Variants in PXN observed in about 807,000 individuals in gnomAD.
PXN encodes testicular tissue protein Li 134.
In PXN, 61 loss-of-function variants were observed where a neutral mutation model predicts 103.6. The observed-to-expected ratio is 0.59, with a 90% CI of 0.48 to 0.73. The LOEUF (loss-of-function observed/expected upper bound fraction) is 0.73, where lower values mean the gene tolerates loss of function less well. PXN is among the 30% of genes least tolerant of loss of function. The pLI is 0.00. For synonymous variants in PXN, 562 were observed against 607.8 expected, an observed-to-expected ratio of 0.92 and a Z score of 1.11; for missense variants, 1,274 against 1,460.3, an observed-to-expected ratio of 0.87 and a Z score of 2.08.
intron 1 of PXN, among the ~76,000 whole-genome samples, chr12:120,242,466 C>T (rs527942446): frequency 1.3e-3 from 202 of 152,232 alleles, no homozygotes; most frequent in Non-Finnish European, 2.0e-3. Context: ...CATGAGCATG[C>T]GGCTCACCAC....
chr12:120,234,359 A>G (rs1888628274), intron 1 of PXN, among the ~76,000 whole-genome samples: 1 of 152,160 alleles, frequency 6.6e-6, no homozygotes, highest in Non-Finnish European at 1.5e-5. Context: ...CAGTGAACAG[A>G]GATTGCGCCA....
At chr12:120,245,267 G>A (rs918096043) in intron 1 of PXN, among the ~76,000 whole-genome samples, 9 of 152,030 alleles carry the variant, frequency 5.9e-5, no homozygotes, top group Non-Finnish European at 1.3e-4. Context: ...GTGGGGCTGT[G>A]TAGCCCAGAG....
At chr12:120,249,384 T>C (rs1053070170) in intron 1 of PXN, among the ~76,000 whole-genome samples, 1 of 151,836 alleles carries the variant, frequency 6.6e-6, no homozygotes. Flanking sequence ...TGCAGACTGA[T>C]AATACCCAAC....
chr12:120,235,742 G>T (rs1888909988), intron 1 of PXN, among the ~76,000 whole-genome samples: 1 of 152,210 alleles, frequency 6.6e-6, no homozygotes, highest in African/African-American at 2.4e-5. Flanking sequence ...GGTACAGAGA[G>T]CTCAAGAATT....
intron 1 of PXN, among the ~76,000 whole-genome samples, chr12:120,258,085 G>C (rs1476962287): frequency 6.6e-6 from 1 of 151,778 alleles, no homozygotes; most frequent in Non-Finnish European, 1.5e-5. Context: ...CCTAGCTACT[G>C]CGGAGGCTGA....
chr12:120,230,637 G>A (rs1887828497), intron 1 of PXN, among the ~76,000 whole-genome samples: 2 of 144,156 alleles, frequency 1.4e-5, no homozygotes, highest in African/African-American at 2.6e-5. Flanking sequence ...CCCTCCCCCT[G>A]GCTCCAAGTT....
intron 3 of PXN, 115 bp from the exon 4 acceptor site, chr12:120,223,114 G>C: frequency 6.5e-7 from 1 of 1,533,636 alleles, no homozygotes; most frequent in Non-Finnish European, 8.9e-7. Context: ...GTCTTCCCCC[G>C]CAAGAGGACA....
At position 120,219,600 on chromosome 12, in the gene PXN, C is replaced by G; in HGVS notation, c.1323G>C (p.Ser441=). 1.3e-6 allele frequency: 2 copies of G among 1,565,166 alleles called. No individual in the cohort carries two copies. Residue 441 remains serine (S), a synonymous_variant, in exon 7 of 15, where the codon TCG becomes TCC. Coordinates refer to ENST00000637617, the MANE Select transcript of PXN (RefSeq NM_001385981.1). The surrounding 1 kb of genome is among the most constrained non-coding windows in gnomAD (Gnocchi z 6.5). ...GCATTCTCTCAGGCCCGAATACCTC[C>G]GAAGCCCATGGCTGCTCCCATGTGG... is the stretch of plus-strand genomic sequence containing the variant. ...LAATWEQPWA[S]EVFGPERMPP...
chr12:120,259,270 T>C (rs1178581933), intron 1 of PXN, among the ~76,000 whole-genome samples: 2 of 151,814 alleles, frequency 1.3e-5, no homozygotes, highest in Non-Finnish European at 2.9e-5. Context: ...CATGCACCCA[T>C]AGTCCCAGCT....
Position 120,215,291 on chromosome 12 carries a change from G to A in PXN, c.2404-18C>T. 6.4e-7 allele frequency: 1 copy of A among 1,573,910 alleles called. No individual in the cohort carries two copies. The highest frequency in any genetic ancestry group is 8.6e-7 in the Non-Finnish European group (1 of 1,162,560). On this transcript the variant is annotated intron_variant, in intron 10 of 14. Transcript: ENST00000637617. The surrounding 1 kb of genome is among the most constrained non-coding windows in gnomAD (Gnocchi z 4.9). ...GCCATGAACTGTGGACACGGAGGGG[G>A]CTGGTCAGGACTCCTGAGGCTCGGG...
Position 120,226,616 on chromosome 12 carries a change from G to C in PXN, c.14-2239C>G, listed in dbSNP as rs900535387. On this transcript the variant is annotated intron_variant, in intron 1 of 14. Coordinates refer to ENST00000637617, the MANE Select transcript of PXN (RefSeq NM_001385981.1). The stretch of plus-strand genomic sequence containing the variant: ...GCTTTTGGTTTATGGATTGGATTCA[G>C]GTTTACAATGTCAACAGGCTCTTGG... 77 of 1,187,566 alleles carry C rather than the reference G, an allele frequency of 6.5e-5. No homozygotes were observed. In the Middle Eastern group the frequency reaches 1.3e-3, roughly 20 times the overall value. The allele number at this position is 1,187,566 out of a possible 1,614,324, so 73.6% of individuals were successfully genotyped here. A position where few individuals can be genotyped will look rare whatever the true frequency, so the allele number is the denominator to read the frequency against.
rs1275533955 is a variant in PXN at position 120,220,984 on chromosome 12, C to G, written c.831+639G>C. 6.6e-6 allele frequency among the ~76,000 whole-genome samples: 1 copy of G among 152,190 alleles called. No individual in the cohort carries two copies. The highest frequency in any genetic ancestry group is 1.5e-5 in the Non-Finnish European group (1 of 68,046). On this transcript the variant is annotated intron_variant, in intron 6 of 14. Transcript: ENST00000637617. This position sits in a 1 kb window ranked among gnomAD's most constrained non-coding sequence, Gnocchi z 6.1. ...ACTGAATCCTCTAAATTAAACATCT[C>G]AGGCCTGGCAGGACTGGGGAGGCCC...
In PXN at chr12:120,216,438, G is replaced by A. The variant is rs140854897; in HGVS notation, c.2136C>T (p.Pro712=). Residue 712 remains proline, a synonymous_variant, in exon 9 of 15, where the codon CCC becomes CCT. Coordinates refer to ENST00000637617, the MANE Select transcript of PXN (RefSeq NM_001385981.1). The surrounding 1 kb of genome is among the most constrained non-coding windows in gnomAD (Gnocchi z 5.1). The part of the protein sequence containing the change: ...SPLPSLLASS[P]LGPSAYTCGS... ...CACAGGTATAAGCTGAGGGCCCCAG[G>A]GGGGAGGAGGCGAGCAGGCTGGGCA... 43 of 1,378,810 alleles carry A rather than the reference G, an allele frequency of 3.1e-5. No individual in the cohort carries two copies. The highest frequency in any genetic ancestry group is 2.6e-4 in the Middle Eastern group (1 of 3,788). 85.4% of individuals were successfully genotyped at this position (1,378,810 alleles called of 1,614,324 possible).
At position 120,224,394 on chromosome 12, in the gene PXN, C is replaced by G. The variant is rs199919231; in HGVS notation, c.14-17G>C. ...GCAGGGCGTCTGCAAAGAGAAGGCA[C>G]GGGTAGCAGGTGAGAACCGGGATCC... On this transcript the variant is annotated splice_polypyrimidine_tract_variant and intron_variant, in intron 1 of 14. Coordinates refer to ENST00000637617, the MANE Select transcript of PXN (RefSeq NM_001385981.1). The surrounding 1 kb of genome is among the most constrained non-coding windows in gnomAD (Gnocchi z 5.0). 115 of 1,595,284 alleles carry G rather than the reference C, an allele frequency of 7.2e-5. No homozygotes were observed. In the African/African-American group the frequency reaches 1.4e-3, roughly 19 times the overall value.
chr12:120,217,067 A>G lies in PXN; in HGVS notation c.1766T>C (p.Met589Thr). The G allele has an allele frequency of 1.3e-6, 2 of 1,591,982 alleles. No homozygotes were observed. Among genetic ancestry groups the G allele is most frequent in the Non-Finnish European group, 1.7e-6 (2 of 1,177,564 alleles). The change falls in exon 8 of 15, where the codon ATG becomes ACG. Residue 589 changes from methionine to threonine, a missense_variant. Met to Thr is a moderately conservative substitution (Grantham distance 81). Transcript: ENST00000637617. This position sits in a 1 kb window ranked among gnomAD's most constrained non-coding sequence, Gnocchi z 4.1. ...GCGGCGAGGGGAGGGCTCCCGGGAC[A>G]TGGGGTGTGCGTGGCCAGACTCCCA... is the stretch of plus-strand genomic sequence containing the variant. Reference protein sequence around the residue: ...RSWESGHAHPMSREPSPRRRL... With the variant: ...RSWESGHAHPTSREPSPRRRL...
At chr12:120,244,427 A>C (rs1216123308) in intron 1 of PXN, among the ~76,000 whole-genome samples, 1 of 151,852 alleles carries the variant, frequency 6.6e-6, no homozygotes, top group Non-Finnish European at 1.5e-5. Flanking sequence ...CGGGCGGATC[A>C]CGAGGTCAGG....
At chr12:120,254,417 A>G (rs1324692834) in intron 1 of PXN, among the ~76,000 whole-genome samples, 2 of 152,250 alleles carry the variant, frequency 1.3e-5, no homozygotes, top group Non-Finnish European at 2.9e-5. Flanking sequence ...CTCTTGGCAC[A>G]CAGGAAAGTA....
chr12:120,216,912 A>C lies in PXN; in HGVS notation c.1921T>G (p.Trp641Gly). ...AEAAGPSAQD[W>G]LTEGVIITVQ... Reference sequence around the variant, plus strand: ...GTGATGATGACGCCCTCGGTCAGCCAGTCCTGGGCAGAGGGCCCCGCCGCC... The same window carrying C: ...GTGATGATGACGCCCTCGGTCAGCCCGTCCTGGGCAGAGGGCCCCGCCGCC... The change falls in exon 8 of 15, where the codon TGG becomes GGG. Residue 641 changes from tryptophan to glycine, a missense_variant. Physicochemically the swap from Trp to Gly is radical, Grantham distance 184 (BLOSUM62 -2). This residue lies in a region of PXN where 1,178 missense variants were observed against 1,309.0 expected (regional missense o/e 0.90). Coordinates refer to ENST00000637617, the MANE Select transcript of PXN (RefSeq NM_001385981.1). This position sits in a 1 kb window ranked among gnomAD's most constrained non-coding sequence, Gnocchi z 5.1. 6.6e-7 allele frequency: 1 copy of C among 1,523,414 alleles called. No individual in the cohort carries two copies. Among genetic ancestry groups the C allele is most frequent in the African/African-American group, 1.4e-5 (1 of 72,614 alleles). 94.4% of individuals were successfully genotyped at this position (1,523,414 alleles called of 1,614,324 possible). A position where few individuals can be genotyped will look rare whatever the true frequency, so the allele number is the denominator to read the frequency against.
At chr12:120,262,394 A>G (rs1293904998) in intron 1 of PXN, among the ~76,000 whole-genome samples, 1 of 152,156 alleles carries the variant, frequency 6.6e-6, no homozygotes, top group Non-Finnish European at 1.5e-5. Flanking sequence ...GTAACTATCA[A>G]TTACTCAGCA....
Sources: gnomAD v4.1 joint callset for allele counts (sites outside exome capture counted in the v4.1 genomes callset) on GRCh38, gnomAD v4.1.1 for gene constraint, gnomAD v4.1.1 regional missense constraint, Gnocchi (gnomAD v3.1) non-coding constraint, MANE v1.5 for transcripts, NCBI Gene and HGNC (gene_info 2026-07-23, HGNC 2026-07-21) for gene names.